Variants in ZCCHC14 observed in about 807,000 individuals in gnomAD.
The protein encoded by ZCCHC14 is zinc finger CCHC-type containing 14, also known as zinc finger CCHC domain-containing protein 14.
In ZCCHC14, 16 loss-of-function variants were observed where a neutral mutation model predicts 85.0. That is an observed-to-expected ratio of 0.19 (90% CI 0.13 to 0.29). The LOEUF is 0.29. Among genes scored for constraint, ZCCHC14 ranks in the 10% least tolerant of loss-of-function variants. The pLI is 1.00. For missense variants in ZCCHC14, 1,303 were observed against 1,443.5 expected (o/e 0.90, Z 1.58); for synonymous variants, 775 against 630.7 (o/e 1.23, Z -3.43).
At chr16:87,476,273 G>A (rs958589872) in intron 1 of ZCCHC14, among the ~76,000 whole-genome samples, 1 of 152,206 alleles carries the variant, frequency 6.6e-6, no homozygotes, top group African/African-American at 2.4e-5. Context: ...GGTAAGGAAT[G>A]AAAAGCACCA....
intron 2 of ZCCHC14, among the ~76,000 whole-genome samples, chr16:87,440,251 A>T (rs952915439): frequency 5.3e-5 from 8 of 151,848 alleles, no homozygotes; most frequent in African/African-American, 1.9e-4. Flanking sequence ...TGCAACCTCC[A>T]TCTCCTGAGT....
chr16:87,450,283 T>G (rs1910633931), intron 2 of ZCCHC14, among the ~76,000 whole-genome samples: 1 of 152,246 alleles, frequency 6.6e-6, no homozygotes, highest in Non-Finnish European at 1.5e-5. Context: ...TCAACTGACT[T>G]TCTCACTTTC....
intron 1 of ZCCHC14, among the ~76,000 whole-genome samples, chr16:87,465,990 T>C (rs879937374): frequency 7.2e-5 from 11 of 151,960 alleles, no homozygotes; most frequent in Non-Finnish European, 1.5e-4. Flanking sequence ...GAAAAGGGAA[T>C]CCCCGCACTG....
intron 1 of ZCCHC14, among the ~76,000 whole-genome samples, chr16:87,489,997 A>G (rs756210299): frequency 1.6e-4 from 24 of 152,204 alleles, no homozygotes; most frequent in Non-Finnish European, 3.5e-4. Flanking sequence ...ATAGGTGACA[A>G]TTTGCTGGCA....
At chr16:87,418,693 C>T (rs574052994) in intron 7 of ZCCHC14, among the ~76,000 whole-genome samples, 154 bp downstream of exon 7, 4 of 152,106 alleles carry the variant, frequency 2.6e-5, no homozygotes, top group South Asian at 2.1e-4. Context: ...TTTTGGAAAT[C>T]GTAAATTCAA....
Position 87,492,266 on chromosome 16 carries a change from G to A in ZCCHC14, c.-28C>T, listed in dbSNP as rs1485056459. 1 of 979,564 alleles carries A rather than the reference G, an allele frequency of 1.0e-6. No individual in the cohort carries two copies. Among genetic ancestry groups the A allele is most frequent in the East Asian group, 1.2e-4 (1 of 8,658 alleles). 60.7% of individuals were successfully genotyped at this position (979,564 alleles called of 1,614,324 possible). A position where few individuals can be genotyped will look rare whatever the true frequency, so the allele number is the denominator to read the frequency against. Reference sequence around the variant, plus strand: ...TGCCGCCCGCGCCGCGCCGCGACCCGGGGCCGGGGACCGCGCGGGGGCGGC... The same window carrying A: ...TGCCGCCCGCGCCGCGCCGCGACCCAGGGCCGGGGACCGCGCGGGGGCGGC... On this transcript the variant is annotated 5_prime_UTR_variant, in exon 1 of 13. Transcript: ENST00000671377. This position sits in a 1 kb window ranked among gnomAD's most constrained non-coding sequence, Gnocchi z 6.7.
rs184008876 is a variant in ZCCHC14, at chr16:87,462,937, G to T, written c.571-2806C>A. 1.1e-4 allele frequency among the ~76,000 whole-genome samples: 16 copies of T among 152,034 alleles called. No homozygotes were observed. In the East Asian group the frequency reaches 3.1e-3, roughly 29 times the overall value. ...TACGAAATTAGCCAGGCATGGTGGC[G>T]CACGCCTCTAATCTCAGCTACTGGG... On this transcript the variant is annotated intron_variant, in intron 1 of 12. Transcript: ENST00000671377.
intron 1 of ZCCHC14, chr16:87,467,654 G>A (rs781448720): frequency 2.2e-4 from 205 of 939,542 alleles, no homozygotes; most frequent in Non-Finnish European, 3.0e-4. Context: ...CTGGTCGAAC[G>A]GTTTCTTTTT....
At chr16:87,456,390 C>T (rs1457218496) in intron 2 of ZCCHC14, among the ~76,000 whole-genome samples, 3 of 151,796 alleles carry the variant, frequency 2.0e-5, no homozygotes, top group Admixed American at 1.3e-4. Context: ...AATAGCCGGG[C>T]GTGGTGGCCG....
At chr16:87,488,115 T>C (rs1244234198) in intron 1 of ZCCHC14, among the ~76,000 whole-genome samples, 4 of 152,286 alleles carry the variant, frequency 2.6e-5, no homozygotes, top group African/African-American at 4.8e-5. Flanking sequence ...GAAGTATATA[T>C]AGTATATGAA....
intron 2 of ZCCHC14, among the ~76,000 whole-genome samples, chr16:87,439,771 A>C (rs1414284928): frequency 6.6e-6 from 1 of 152,242 alleles, no homozygotes; most frequent in African/African-American, 2.4e-5. Flanking sequence ...AAAATGTTAC[A>C]AAGTCAAAAT....
At chr16:87,439,028 C>T (rs1270915673) in intron 2 of ZCCHC14, among the ~76,000 whole-genome samples, 1 of 152,176 alleles carries the variant, frequency 6.6e-6, no homozygotes, top group Admixed American at 6.5e-5. Context: ...CAAGCTAAGA[C>T]AAGCCACGAA....
At chr16:87,468,447 C>A (rs939772445) in intron 1 of ZCCHC14, among the ~76,000 whole-genome samples, 3 of 142,696 alleles carry the variant, frequency 2.1e-5, no homozygotes, top group African/African-American at 8.2e-5. Context: ...ATAAATGATA[C>A]CCTTAATTAC....
chr16:87,489,963 C>T (rs1402582219), intron 1 of ZCCHC14, among the ~76,000 whole-genome samples: 1 of 152,136 alleles, frequency 6.6e-6, no homozygotes, highest in Non-Finnish European at 1.5e-5. Context: ...ATGAAACTGA[C>T]CATAAATGAC....
chr16:87,415,486 G>C (rs1183555499), intron 8 of ZCCHC14, 119 bp from the exon 9 acceptor site: 4 of 803,312 alleles, frequency 5.0e-6, no homozygotes, highest in Non-Finnish European at 7.9e-6. Flanking sequence ...AACAGATCCA[G>C]CTGAACTCAG....
chr16:87,411,737 C>T lies in ZCCHC14; in HGVS notation c.2984G>A (p.Gly995Glu), dbSNP rs759360015. ...PVVHAPYSSS[G>E]TPDPVLSGQS... is the part of the protein sequence containing the mutation. ...CCCACTCAGGACAGGGTCTGGGGTCCCGCTGCTGCTGTAAGGGGCGTGCAC... is the reference window on the plus strand; with the variant it reads ...CCCACTCAGGACAGGGTCTGGGGTCTCGCTGCTGCTGTAAGGGGCGTGCAC... The change falls in exon 12 of 13, where the codon GGG (glycine) becomes GAG (glutamate). Residue 995 changes from glycine (G) to glutamate (E), a missense_variant. This residue lies in a region of ZCCHC14 where 797 missense variants were observed against 730.8 expected (regional missense o/e 1.09). Transcript: ENST00000671377. 1.2e-6 allele frequency: 2 copies of T among 1,612,748 alleles called. No individual in the cohort carries two copies. Among genetic ancestry groups the T allele is most frequent in the Admixed American group, 3.3e-5 (2 of 59,986 alleles).
chr16:87,432,436 GGATGAACGCGT>G (rs1322849440), intron 3 of ZCCHC14, among the ~76,000 whole-genome samples: 1 of 152,192 alleles, frequency 6.6e-6, no homozygotes, highest in Non-Finnish European at 1.5e-5. Context: ...CTGCTGCCCA[GGATGAACGCGT>G]GAGGACTGGT....
In ZCCHC14 at chr16:87,406,462, G is replaced by C. The variant is rs563285778; in HGVS notation, c.*3818C>G. 2 of 152,618 alleles carry C rather than the reference G, an allele frequency of 1.3e-5. No homozygotes were observed. Among genetic ancestry groups the C allele is most frequent in the African/African-American group, 4.8e-5 (2 of 41,536 alleles). The allele number at this position is 152,618 out of a possible 1,614,324, so 9.5% of individuals were successfully genotyped here. A position where few individuals can be genotyped will look rare whatever the true frequency, so the allele number is the denominator to read the frequency against. ...TATTTATAAAGTTACATGCAATTTT[G>C]TAGAATTGACAAAAGAATGGCTCAA... On this transcript the variant is annotated 3_prime_UTR_variant, in exon 13 of 13. Transcript: ENST00000671377.
chr16:87,439,832 T>C (rs1910100307), intron 2 of ZCCHC14, among the ~76,000 whole-genome samples: 1 of 152,238 alleles, frequency 6.6e-6, no homozygotes, highest in Admixed American at 6.5e-5. Context: ...CTACAATGAC[T>C]AGGTTGGTAA....
Sources: allele counts gnomAD v4.1 joint callset (sites outside exome capture counted in the v4.1 genomes callset), GRCh38; gene constraint gnomAD v4.1.1; regional missense constraint gnomAD v4.1.1; non-coding constraint Gnocchi (gnomAD v3.1); transcripts MANE v1.5; gene names NCBI Gene and HGNC (gene_info 2026-07-23, HGNC 2026-07-21).